TENM2: variants seen among roughly 807,000 people sequenced by gnomAD.
TENM2 encodes the protein teneurin-2.
TENM2 carries 52 observed loss-of-function variants against 245.2 expected under a neutral mutation model. That is an observed-to-expected ratio of 0.21 (90% CI 0.17 to 0.27). The LOEUF (loss-of-function observed/expected upper bound fraction) is 0.27, where lower values mean the gene tolerates loss of function less well. TENM2 is among the 10% of genes least tolerant of loss of function. The pLI is 1.00. For missense variants in TENM2, 3,046 were observed against 3,666.8 expected (o/e 0.83, Z 4.37); for synonymous variants, 1,363 against 1,438.9 (o/e 0.95, Z 1.19).
chr5:168,114,099 A>G (rs1165089944), intron 9 of TENM2, among the ~76,000 whole-genome samples: 1 of 152,308 alleles, frequency 6.6e-6, no homozygotes, highest in African/African-American at 2.4e-5. Context: ...GTCAGATTAG[A>G]GATTCAGTTT....
chr5:167,854,171 C>T (rs2151229154), intron 2 of TENM2, among the ~76,000 whole-genome samples: 1 of 152,178 alleles, frequency 6.6e-6, no homozygotes, highest in East Asian at 1.9e-4. Flanking sequence ...GCAAAGATCT[C>T]CATCTACTCA....
At chr5:167,332,255 C>T (rs1443739629) in intron 1 of TENM2, among the ~76,000 whole-genome samples, 2 of 152,076 alleles carry the variant, frequency 1.3e-5, no homozygotes, top group Non-Finnish European at 2.9e-5. Flanking sequence ...CTCTATTTTC[C>T]CCCTCACTTT....
intron 2 of TENM2, among the ~76,000 whole-genome samples, chr5:167,495,232 GTTTTGTT>G (rs1198328881): frequency 9.5e-6 from 1 of 105,792 alleles, no homozygotes; most frequent in African/African-American, 3.0e-5. Context: ...TGTTTTTTTT[GTTTTGTT>G]TTTTGTTTTT....
chr5:168,078,760 G>C (rs1791706478), intron 7 of TENM2, among the ~76,000 whole-genome samples: 1 of 152,088 alleles, frequency 6.6e-6, no homozygotes, highest in African/African-American at 2.4e-5. Flanking sequence ...TATTATTTCT[G>C]AGGGCTCTAT....
At chr5:167,871,487 G>A (rs1298265255) in intron 2 of TENM2, among the ~76,000 whole-genome samples, 1 of 152,150 alleles carries the variant, frequency 6.6e-6, no homozygotes, top group African/African-American at 2.4e-5. Flanking sequence ...ATTAGAAAAA[G>A]TTGGATTAGT....
At chr5:167,931,557 A>G (rs1392648361) in intron 3 of TENM2, among the ~76,000 whole-genome samples, 3 of 151,542 alleles carry the variant, frequency 2.0e-5, no homozygotes, top group African/African-American at 7.3e-5. Context: ...ATTGGAAAAA[A>G]AAAAAAAAAA....
chr5:167,302,600 A>AG (rs766318029), intron 1 of TENM2, among the ~76,000 whole-genome samples: 17 of 150,058 alleles, frequency 1.1e-4, no homozygotes, highest in Non-Finnish European at 1.9e-4. Context: ...ATAAGAGGTC[A>AG]GGGCGTGGAA....
At chr5:167,989,292 G>A (rs1472611290) in intron 4 of TENM2, among the ~76,000 whole-genome samples, 2 of 150,284 alleles carry the variant, frequency 1.3e-5, no homozygotes, top group Non-Finnish European at 2.9e-5. Context: ...GAGAGAGAGA[G>A]AGAGAGAGAT....
the TENM2 span, among the ~76,000 whole-genome samples, chr5:167,009,570 A>G: frequency 6.6e-6 from 1 of 152,200 alleles, no homozygotes; most frequent in Non-Finnish European, 1.5e-5. Flanking sequence ...GTTGAATGGC[A>G]TGGTCCCAGG....
exon 17 of TENM2, chr5:168,200,109 G>A (rs1415939972): frequency 1.7e-5 from 28 of 1,613,528 alleles, no homozygotes; most frequent in Non-Finnish European, 2.3e-5. Flanking sequence ...GCCAAAGGGT[G>A]TATGGACTCT....
chr5:168,081,626 G>A (rs1792007265), intron 7 of TENM2, among the ~76,000 whole-genome samples: 1 of 152,148 alleles, frequency 6.6e-6, no homozygotes, highest in Admixed American at 6.5e-5. Context: ...GGCAGGCCTG[G>A]TGGTGACAAA....
At chr5:167,757,266 A>G (rs1451878230) in intron 2 of TENM2, among the ~76,000 whole-genome samples, 1 of 112,496 alleles carries the variant, frequency 8.9e-6, no homozygotes, top group Non-Finnish European at 1.8e-5. Flanking sequence ...AACAGGCCCC[A>G]CTATGTGGTG....
At chr5:168,238,552 G>A (rs890501544) in intron 25 of TENM2, among the ~76,000 whole-genome samples, 3 of 152,194 alleles carry the variant, frequency 2.0e-5, no homozygotes, top group African/African-American at 7.2e-5. Context: ...CCGTTTCCTG[G>A]AGGGGATCCA....
chr5:167,366,776 C>G (rs1760080555), intron 1 of TENM2, among the ~76,000 whole-genome samples: 3 of 152,246 alleles, frequency 2.0e-5, no homozygotes, highest in South Asian at 4.1e-4. Context: ...TCACTACTCT[C>G]TCTTTCCCTC....
chr5:168,052,872 A>C (rs1238620477), intron 6 of TENM2, among the ~76,000 whole-genome samples: 1 of 152,196 alleles, frequency 6.6e-6, no homozygotes, highest in Non-Finnish European at 1.5e-5. Flanking sequence ...AAAAATGGCA[A>C]AGACTGTTAT....
the TENM2 span, among the ~76,000 whole-genome samples, chr5:167,085,980 T>C: frequency 6.6e-6 from 1 of 152,186 alleles, no homozygotes. Context: ...TTCTTTCCAA[T>C]CACATGTTAC....
chr5:167,191,806 A>G, the TENM2 span, among the ~76,000 whole-genome samples: 1 of 152,004 alleles, frequency 6.6e-6, no homozygotes. Context: ...GTGTGCTTAC[A>G]ATACAATGAA....
intron 17 of TENM2, among the ~76,000 whole-genome samples, chr5:168,202,336 C>G (rs1037878328): frequency 2.0e-5 from 3 of 151,948 alleles, no homozygotes. Flanking sequence ...ATTAATGTTT[C>G]TTAAATACCA....
rs770345801 is a variant in TENM2, at chr5:168,227,880, C to CTT, written c.5285-14_5285-13dup. ...ATTTATTTCCCTATCCCCACCCCCA[C>CTT]TTACATTTTTCCAGATCAAGTTCGG... On this transcript the variant is annotated splice_polypyrimidine_tract_variant and intron_variant, in intron 24 of 28. Coordinates refer to ENST00000518659, the Ensembl canonical transcript of TENM2. The CTT allele has an allele frequency of 1.3e-6, 2 of 1,553,342 alleles. No homozygotes were observed. The highest frequency in any genetic ancestry group is 1.7e-5 in the Admixed American group (1 of 57,254).
Sources: gnomAD v4.1 joint callset for allele counts (sites outside exome capture counted in the v4.1 genomes callset) on GRCh38, gnomAD v4.1.1 for gene constraint, MANE v1.5 for transcripts, NCBI Gene and HGNC (gene_info 2026-07-23, HGNC 2026-07-21) for gene names.